VSIG10L: variants seen among roughly 807,000 people sequenced by gnomAD.
The protein encoded by VSIG10L is V-set and immunoglobulin domain containing 10 like, also known as V-set and immunoglobulin domain-containing protein 10-like.
Under a neutral mutation model 67.3 loss-of-function variants are expected in VSIG10L, and 63 were observed. The observed-to-expected ratio is 0.94, with a 90% CI of 0.76 to 1.15. VSIG10L has a LOEUF of 1.15. Ranked by LOEUF, VSIG10L falls within the 50% of genes most tolerant of loss-of-function variation. The probability of loss-of-function intolerance (pLI) is 0.00; values close to 1 mark genes in which losing one functional copy is unlikely to be tolerated. For missense variants in VSIG10L, 1,050 were observed against 1,177.5 expected (o/e 0.89, Z 1.58); for synonymous variants, 499 against 524.9 (o/e 0.95, Z 0.67).
chr19:51,340,815 T>C lies in VSIG10L; in HGVS notation c.896-89A>G. On this transcript the variant is annotated intron_variant, in intron 2 of 9. Coordinates refer to ENST00000335624, the MANE Select transcript of VSIG10L (RefSeq NM_001163922.3). This position sits in a 1 kb window ranked among gnomAD's most constrained non-coding sequence, Gnocchi z 6.3. ...AGGGAACCCCAGCCGCTGCTCCCTC[T>C]AAGCCCCTGGAGTCTCAGCCCCCAT... is the stretch of plus-strand genomic sequence containing the variant. 7.3e-7 allele frequency: 1 copy of C among 1,376,928 alleles called. No individual in the cohort carries two copies. The highest frequency in any genetic ancestry group is 9.5e-7 in the Non-Finnish European group (1 of 1,054,260). The allele number at this position is 1,376,928 out of a possible 1,614,324, so 85.3% of individuals were successfully genotyped here.
In VSIG10L at chr19:51,340,543, C is replaced by T; in HGVS notation, c.1079G>A (p.Gly360Asp). The change falls in exon 3 of 10, where the codon GGC (glycine) becomes GAC (aspartate). Residue 360 changes from glycine (G) to aspartate (D), a missense_variant. Gly to Asp is a moderately conservative substitution (Grantham distance 94). Around this residue, in one of 3 missense-constraint regions of VSIG10L, gnomAD observed 511 missense variants for 557.9 expected, o/e 0.92. Transcript: ENST00000335624. This position sits in a 1 kb window ranked among gnomAD's most constrained non-coding sequence, Gnocchi z 6.3. Reference protein sequence around the residue: ...GAETPRMRSEGDQLLIVRPVR... With the variant: ...GAETPRMRSEDDQLLIVRPVR... ...AGGGCGCACGATGAGCAGCTGGTCG[C>T]CCTCTGAGCGCATCCGGGGCGTCTC... 1 of 1,535,646 alleles carries T rather than the reference C, an allele frequency of 6.5e-7. No homozygotes were observed. The highest frequency in any genetic ancestry group is 8.7e-7 in the Non-Finnish European group (1 of 1,145,924).
Position 51,334,225 on chromosome 19 carries a change from GAGA to G in VSIG10L, c.2382_2384del (p.Leu797del). Reference sequence around the variant, plus strand: ...GGCACAGGCAGCAGATGCAAAGGAGGAGAAGTACGGCTAGCAGCGCCAGGCCCA... The same window carrying G: ...GGCACAGGCAGCAGATGCAAAGGAGGAGTACGGCTAGCAGCGCCAGGCCCA... On this transcript the variant is annotated inframe_deletion, in exon 8 of 10. Coordinates refer to ENST00000335624, the MANE Select transcript of VSIG10L (RefSeq NM_001163922.3). 6.4e-7 allele frequency: 1 copy of G among 1,551,844 alleles called. No homozygotes were observed. The highest frequency in any genetic ancestry group is 8.7e-7 in the Non-Finnish European group (1 of 1,147,034).
chr19:51,341,853 C>G lies in VSIG10L; in HGVS notation c.195G>C (p.Gln65His). Residue 65 changes from glutamine (Q) to histidine (H), a missense_variant, in exon 2 of 10, where the codon CAG becomes CAC. Gln to His is a conservative substitution (Grantham distance 24). This residue lies in a region of VSIG10L where 511 missense variants were observed against 557.9 expected (regional missense o/e 0.92). Coordinates refer to ENST00000335624, the MANE Select transcript of VSIG10L (RefSeq NM_001163922.3). ...IKPPSWKVPD[Q>H]FLDSKASAGI... is the part of the protein sequence containing the mutation. ...CAGCAGAGGCTTTTGAATCCAGGAA[C>G]TGATCTGGAACTTTCCAGCTGGGAG... 1 of 1,551,644 alleles carries G rather than the reference C, an allele frequency of 6.4e-7. No individual in the cohort carries two copies. Among genetic ancestry groups the G allele is most frequent in the South Asian group, 1.2e-5 (1 of 84,064 alleles).
intron 9 of VSIG10L, among the ~76,000 whole-genome samples, chr19:51,333,266 T>C (rs752740252): frequency 2.0e-5 from 3 of 152,298 alleles, no homozygotes; most frequent in South Asian, 2.1e-4. Context: ...TAGTGGCTCA[T>C]GCCTGTAATC....
In VSIG10L at chr19:51,332,394, C is replaced by T; in HGVS notation, c.*217G>A. 1 of 646,616 alleles carries T rather than the reference C, an allele frequency of 1.5e-6. No homozygotes were observed. Among genetic ancestry groups the T allele is most frequent in the Non-Finnish European group, 2.8e-6 (1 of 358,870 alleles). The allele number at this position is 646,616 out of a possible 1,614,324, so 40.1% of individuals were successfully genotyped here. A position where few individuals can be genotyped will look rare whatever the true frequency, so the allele number is the denominator to read the frequency against. ...AGCAAGAGTTTCCCAGCCAAGAAGT[C>T]ACATCTCCTTACTTGCACAAATACA... On this transcript the variant is annotated 3_prime_UTR_variant, in exon 10 of 10. Transcript: ENST00000335624.
In VSIG10L at chr19:51,338,961, G is replaced by A. The variant is rs527434561; in HGVS notation, c.1656C>T (p.Pro552=). 3 of 1,424,392 alleles carry A rather than the reference G, an allele frequency of 2.1e-6. No homozygotes were observed. The highest frequency in any genetic ancestry group is 1.8e-4 in the Middle Eastern group (1 of 5,476). 88.2% of individuals were successfully genotyped at this position (1,424,392 alleles called of 1,614,324 possible). A position where few individuals can be genotyped will look rare whatever the true frequency, so the allele number is the denominator to read the frequency against. The change falls in exon 5 of 10, where the codon CCC becomes CCT. Residue 552 remains proline (P), a synonymous_variant. Coordinates refer to ENST00000335624, the MANE Select transcript of VSIG10L (RefSeq NM_001163922.3). ...SVLLAAVPAH[P]RLSGVPITCL... is the part of the protein sequence containing the mutation. ...AGGTGATGGGGACGCCGCTGAGCCGGGGGTGGGCGGGGACGGCCGCCAGCA... is the reference window on the plus strand; with the variant it reads ...AGGTGATGGGGACGCCGCTGAGCCGAGGGTGGGCGGGGACGGCCGCCAGCA...
rs1427079784 is a variant in VSIG10L at position 51,341,206 on chromosome 19, AC to A, written c.841del (p.Val281SerfsTer54). On this transcript the variant is annotated frameshift_variant, in exon 2 of 10. Transcript: ENST00000335624. LOFTEE classifies it high-confidence loss of function. ...LDDAGVYTAE[V>X]IRAGVSQQTH... Reference sequence around the variant, plus strand: ...CTGCTGGGAGACCCCTGCCCGGATGACCTCAGCCGTGTAGACCCCTGCATCG... The same window carrying A: ...CTGCTGGGAGACCCCTGCCCGGATGACTCAGCCGTGTAGACCCCTGCATCG... 6.5e-7 allele frequency: 1 copy of A among 1,545,474 alleles called. No individual in the cohort carries two copies. Among genetic ancestry groups the A allele is most frequent in the Non-Finnish European group, 8.7e-7 (1 of 1,144,450 alleles).
At chr19:51,333,645 T>C (rs775973484) in intron 9 of VSIG10L, 146 bp downstream of exon 9, 8 of 956,128 alleles carry the variant, frequency 8.4e-6, no homozygotes, top group Admixed American at 3.7e-5. Flanking sequence ...CCAACTTTGA[T>C]GCATTTTTAA....
intron 9 of VSIG10L, 62 bp downstream of exon 9, chr19:51,333,729 C>A: frequency 6.8e-7 from 1 of 1,470,094 alleles, no homozygotes. Context: ...TCTCATCTCC[C>A]TGACTGTAAT....
At position 51,339,147 on chromosome 19, in the gene VSIG10L, G is replaced by A. The variant is rs1207215904; in HGVS notation, c.1475-5C>T. ...GTGGGGCCCCGGGGGGCAGGTCTGCGGAGAGAAGGGAGAGAATGAAGATGG... is the reference window on the plus strand; with the variant it reads ...GTGGGGCCCCGGGGGGCAGGTCTGCAGAGAGAAGGGAGAGAATGAAGATGG... On this transcript the variant is annotated splice_region_variant and splice_polypyrimidine_tract_variant and intron_variant, in intron 4 of 9. Transcript: ENST00000335624. 35 of 1,285,308 alleles carry A rather than the reference G, an allele frequency of 2.7e-5. No individual in the cohort carries two copies. The highest frequency in any genetic ancestry group is 3.5e-5 in the Non-Finnish European group (35 of 1,007,464). 79.6% of individuals were successfully genotyped at this position (1,285,308 alleles called of 1,614,324 possible).
chr19:51,332,513 G>T lies in VSIG10L; in HGVS notation c.*98C>A. On this transcript the variant is annotated 3_prime_UTR_variant, in exon 10 of 10. Coordinates refer to ENST00000335624, the MANE Select transcript of VSIG10L (RefSeq NM_001163922.3). ...ATAGCAGGCCCTGGCTGCTGCTGGA[G>T]TGAAATAGGAAGTTCTGGCCCAAAA... 7.1e-7 allele frequency: 1 copy of T among 1,410,256 alleles called. No individual in the cohort carries two copies. The highest frequency in any genetic ancestry group is 9.8e-7 in the Non-Finnish European group (1 of 1,018,494). The allele number at this position is 1,410,256 out of a possible 1,614,324, so 87.4% of individuals were successfully genotyped here.
rs1410958967 is a variant in VSIG10L, at chr19:51,337,976, C to G, written c.1962G>C (p.Leu654=). The G allele has an allele frequency of 6.4e-7, 1 of 1,551,624 alleles. No individual in the cohort carries two copies. The highest frequency in any genetic ancestry group is 8.7e-7 in the Non-Finnish European group (1 of 1,146,938). Reference sequence around the variant, plus strand: ...CGCCAGCACCCAGCGCCCCACTGCACAGCACGGAGTAATTTCCCAGGTCCC... The same window carrying G: ...CGCCAGCACCCAGCGCCCCACTGCAGAGCACGGAGTAATTTCCCAGGTCCC... The part of the protein sequence containing the change: ...LDWDLGNYSV[L]CSGALGAGGD... The change falls in exon 6 of 10, where the codon CTG becomes CTC. Residue 654 remains leucine, a synonymous_variant. Transcript: ENST00000335624.
chr19:51,337,395 G>A lies in VSIG10L; in HGVS notation c.2148C>T (p.Thr716=), dbSNP rs1300108666. ...PDGPALGRTS[T]YRDWVSLLIL... ...TGAGCAGGGAGACCCAGTCCCTGTA[G>A]GTGGAAGTCCTGCCCAGAGCAGGCC... The change falls in exon 7 of 10, where the codon ACC becomes ACT. Residue 716 remains threonine, a synonymous_variant. Transcript: ENST00000335624. 1 of 1,551,630 alleles carries A rather than the reference G, an allele frequency of 6.4e-7. No homozygotes were observed. Among genetic ancestry groups the A allele is most frequent in the Non-Finnish European group, 8.7e-7 (1 of 1,147,022 alleles).
chr19:51,332,750 T>C (rs1252656138), intron 9 of VSIG10L, 110 bp from the exon 10 acceptor site: 7 of 1,098,430 alleles, frequency 6.4e-6, no homozygotes. Context: ...AGAGATTATC[T>C]GGGAACCCTC....
Position 51,337,827 on chromosome 19 carries a change from C to T in VSIG10L, c.2008+103G>A, listed in dbSNP as rs533563078. 2.0e-4 allele frequency: 284 copies of T among 1,393,756 alleles called. 1 individual carries two copies. The African/African-American group carries it at 3.3e-3, about 16-fold the overall frequency. 86.3% of individuals were successfully genotyped at this position (1,393,756 alleles called of 1,614,324 possible). ...GGAGGAGAGGCTGGGGGCCTGGATC[C>T]GAGGTCTGAGGGAGGAGAGGTCTGG... On this transcript the variant is annotated intron_variant, in intron 6 of 9. Coordinates refer to ENST00000335624, the MANE Select transcript of VSIG10L (RefSeq NM_001163922.3).
Position 51,332,616 on chromosome 19 carries a change from G to A in VSIG10L, c.2599C>T (p.Leu867=). The stretch of plus-strand genomic sequence containing the variant: ...AACAGTCTTTGAGCCTCCGCCTACA[G>A]AGACAACTGAACTGGGGTCTGTGCC... ...YQAQTPVQLS[L] is the part of the protein sequence containing the mutation. Residue 867 remains leucine, a synonymous_variant, in exon 10 of 10, where the codon CTG becomes TTG. Transcript: ENST00000335624. 1.3e-6 allele frequency: 2 copies of A among 1,512,248 alleles called. No homozygotes were observed. The highest frequency in any genetic ancestry group is 1.8e-6 in the Non-Finnish European group (2 of 1,130,496). The allele number at this position is 1,512,248 out of a possible 1,614,324, so 93.7% of individuals were successfully genotyped here.
chr19:51,336,866 G>T (rs1013744268), intron 7 of VSIG10L, among the ~76,000 whole-genome samples: 3 of 143,668 alleles, frequency 2.1e-5, no homozygotes, highest in East Asian at 4.3e-4. Flanking sequence ...TCCCGGGTTC[G>T]CGCCATTCTC....
Position 51,333,778 on chromosome 19 carries a change from C to T in VSIG10L, c.2574+13G>A. The T allele has an allele frequency of 6.5e-7, 1 of 1,529,870 alleles. No homozygotes were observed. The highest frequency in any genetic ancestry group is 1.4e-5 in the African/African-American group (1 of 71,910). 94.8% of individuals were successfully genotyped at this position (1,529,870 alleles called of 1,614,324 possible). On this transcript the variant is annotated intron_variant, in intron 9 of 9. Coordinates refer to ENST00000335624, the MANE Select transcript of VSIG10L (RefSeq NM_001163922.3). ...CCCCGATTCCAGGAGGAAATGAGGG[C>T]ACCCACACTCACTTGGTAGGCCCTA... is the stretch of plus-strand genomic sequence containing the variant.
chr19:51,332,336 G>A lies in VSIG10L; in HGVS notation c.*275C>T. Reference sequence around the variant, plus strand: ...CAAGCCCTGCCTGTCTGCTGCAGAGGCTTGGAGGTTGTGCAAACCACACAG... The same window carrying A: ...CAAGCCCTGCCTGTCTGCTGCAGAGACTTGGAGGTTGTGCAAACCACACAG... On this transcript the variant is annotated 3_prime_UTR_variant, in exon 10 of 10. Coordinates refer to ENST00000335624, the MANE Select transcript of VSIG10L (RefSeq NM_001163922.3). The A allele has an allele frequency of 1.9e-6, 1 of 528,618 alleles. No individual in the cohort carries two copies. Among genetic ancestry groups the A allele is most frequent in the South Asian group, 1.9e-5 (1 of 52,428 alleles). 32.7% of individuals were successfully genotyped at this position (528,618 alleles called of 1,614,324 possible). A position where few individuals can be genotyped will look rare whatever the true frequency, so the allele number is the denominator to read the frequency against.
Sources: allele counts gnomAD v4.1 joint callset (sites outside exome capture counted in the v4.1 genomes callset), GRCh38; gene constraint gnomAD v4.1.1; regional missense constraint gnomAD v4.1.1; non-coding constraint Gnocchi (gnomAD v3.1); transcripts MANE v1.5; gene names NCBI Gene and HGNC (gene_info 2026-07-23, HGNC 2026-07-21).